The following CELF2 variants were observed in gnomAD, a reference collection of about 807,000 sequenced individuals.
The protein encoded by CELF2 is CUG triplet repeat RNA-binding protein 2.
Under a neutral mutation model 62.6 loss-of-function variants are expected in CELF2, and 8 were observed. The ratio of observed to expected loss-of-function variants is 0.13; its 90% CI spans 0.07 to 0.23. CELF2 has a LOEUF of 0.23. CELF2 is among the 10% of genes least tolerant of loss of function. The probability of loss-of-function intolerance (pLI) is 1.00; values close to 1 mark genes in which losing one functional copy is unlikely to be tolerated. For synonymous variants in CELF2, 258 were observed against 250.0 expected (o/e 1.03, Z -0.30); for missense variants, 333 against 671.0 (o/e 0.50, Z 5.56).
chr10:11,143,504 A>G (rs1455672974), intron 1 of CELF2, among the ~76,000 whole-genome samples: 2 of 152,154 alleles, frequency 1.3e-5, no homozygotes, highest in African/African-American at 2.4e-5. Flanking sequence ...GCTGCCATTC[A>G]TGCCTTCCTG....
intron 1 of CELF2, among the ~76,000 whole-genome samples, chr10:11,035,963 T>G (rs1281646478): frequency 6.6e-6 from 1 of 152,238 alleles, no homozygotes; most frequent in Non-Finnish European, 1.5e-5. Flanking sequence ...AAGCAATGTT[T>G]GTGATCTCCA....
chr10:10,676,391 G>T, the CELF2 span, among the ~76,000 whole-genome samples: 5 of 152,206 alleles, frequency 3.3e-5, no homozygotes, highest in African/African-American at 1.2e-4. Flanking sequence ...ACATTAGACC[G>T]TGGTTAACTA....
intron 3 of CELF2, among the ~76,000 whole-genome samples, chr10:11,219,868 A>G (rs540526078): frequency 1.3e-4 from 20 of 152,350 alleles, no homozygotes; most frequent in South Asian, 8.3e-4. Context: ...TTCTAAACCA[A>G]TATACACCTG....
chr10:10,891,656 C>T (rs1394025586), intron 1 of CELF2, among the ~76,000 whole-genome samples: 1 of 152,128 alleles, frequency 6.6e-6, no homozygotes, highest in Non-Finnish European at 1.5e-5. Context: ...GACTTCAGGC[C>T]TCGGTTCATT....
intron 1 of CELF2, among the ~76,000 whole-genome samples, chr10:11,130,942 A>C (rs2059529995): frequency 6.6e-6 from 1 of 152,256 alleles, no homozygotes; most frequent in African/African-American, 2.4e-5. Flanking sequence ...AGTAGATTTT[A>C]GTGCATTTGC....
chr10:10,735,138 G>A, the CELF2 span, among the ~76,000 whole-genome samples: 3 of 152,160 alleles, frequency 2.0e-5, no homozygotes, highest in African/African-American at 7.2e-5. Context: ...TGAACAAAAT[G>A]AGAATGCACC....
At chr10:11,048,365 C>T (rs2063250404) in intron 1 of CELF2, among the ~76,000 whole-genome samples, 1 of 152,164 alleles carries the variant, frequency 6.6e-6, no homozygotes, top group African/African-American at 2.4e-5. Context: ...TTAGCTTTCT[C>T]AGTATTACGT....
intron 2 of CELF2, among the ~76,000 whole-genome samples, chr10:10,982,907 T>G (rs1027862533): frequency 2.1e-5 from 2 of 97,150 alleles, no homozygotes; most frequent in African/African-American, 3.0e-5. Flanking sequence ...CTGGTGTGTG[T>G]TTTTTTTTTT....
At chr10:10,682,053 A>G in the CELF2 span, among the ~76,000 whole-genome samples, 3 of 152,216 alleles carry the variant, frequency 2.0e-5, no homozygotes, top group Admixed American at 2.0e-4. Context: ...TGGCAGAAGA[A>G]GGGCTTGAAT....
intron 1 of CELF2, among the ~76,000 whole-genome samples, chr10:10,866,878 C>G (rs1017323230): frequency 1.3e-5 from 2 of 148,782 alleles, no homozygotes; most frequent in Non-Finnish European, 3.0e-5. Context: ...TGAGATCACA[C>G]CGTTGCACTC....
chr10:10,604,982 C>T, the CELF2 span, among the ~76,000 whole-genome samples: 5 of 151,978 alleles, frequency 3.3e-5, no homozygotes, highest in African/African-American at 4.8e-5. Flanking sequence ...TTATGTTCAT[C>T]GCAGCACTAT....
intron 1 of CELF2, among the ~76,000 whole-genome samples, chr10:10,892,711 T>C (rs1022700502): frequency 9.2e-5 from 14 of 152,220 alleles, no homozygotes; most frequent in African/African-American, 3.4e-4. Flanking sequence ...TCCCCAGATC[T>C]ACTGCCAGGC....
chr10:10,910,259 G>T (rs1564805854), intron 1 of CELF2, among the ~76,000 whole-genome samples: 1 of 152,112 alleles, frequency 6.6e-6, no homozygotes, highest in Non-Finnish European at 1.5e-5. Flanking sequence ...TTGCAGTGCA[G>T]CTTAGAGCAC....
intron 1 of CELF2, among the ~76,000 whole-genome samples, chr10:10,858,180 A>G (rs2059857729): frequency 6.6e-6 from 1 of 152,094 alleles, no homozygotes; most frequent in African/African-American, 2.4e-5. Flanking sequence ...TCAAAATATG[A>G]TGAAAACTAC....
At position 11,051,826 on chromosome 10, in the gene CELF2, A is replaced by G. The variant is rs973019512; in HGVS notation, c.74+33663A>G. 1.3e-5 allele frequency among the ~76,000 whole-genome samples: 2 copies of G among 152,096 alleles called. 1 individual carries two copies. The highest frequency in any genetic ancestry group is 3.9e-4 in the East Asian group (2 of 5,192). On this transcript the variant is annotated intron_variant, in intron 1 of 12. Coordinates refer to ENST00000633077, the MANE Select transcript of CELF2 (RefSeq NM_001326342.2). ...TTGCCCACTATGTAGGATTAACCAT[A>G]CAATCTAATGATCTTAACTGCTTCC... is the stretch of plus-strand genomic sequence containing the variant.
chr10:11,018,056 C>T lies in CELF2; in HGVS notation c.-34C>T, dbSNP rs749780729. 9 of 1,392,078 alleles carry T rather than the reference C, an allele frequency of 6.5e-6. 1 individual carries two copies. Among genetic ancestry groups the T allele is most frequent in the South Asian group, 4.0e-5 (3 of 75,648 alleles). The allele number at this position is 1,392,078 out of a possible 1,614,324, so 86.2% of individuals were successfully genotyped here. ...GGCCGCTCGGACGCGCGCAGAGCCGCCCCCCGCCGCTGCCGCCGCGTGCGC... is the reference window on the plus strand; with the variant it reads ...GGCCGCTCGGACGCGCGCAGAGCCGTCCCCCGCCGCTGCCGCCGCGTGCGC... On this transcript the variant is annotated 5_prime_UTR_variant, in exon 1 of 13. Coordinates refer to ENST00000633077, the MANE Select transcript of CELF2 (RefSeq NM_001326342.2).
At chr10:11,139,843 T>TG (rs199994548) in intron 1 of CELF2, among the ~76,000 whole-genome samples, 1 of 148,666 alleles carries the variant, frequency 6.7e-6, no homozygotes, top group African/African-American at 2.6e-5. Flanking sequence ...CATTCAGTTT[T>TG]TTTTTTTTTT....
rs2138517590 is a variant in CELF2, at chr10:11,269,010, T to G, written c.619-1656T>G. On this transcript the variant is annotated intron_variant, in intron 6 of 12. Coordinates refer to ENST00000633077, the MANE Select transcript of CELF2 (RefSeq NM_001326342.2). This position sits in a 1 kb window ranked among gnomAD's most constrained non-coding sequence, Gnocchi z 4.4. The stretch of plus-strand genomic sequence containing the variant: ...GCCTAATTTTCTGCTTTTATATCAT[T>G]TTTACTATTTAAGGAAGAAAAAAAT... Among the ~76,000 whole-genome samples the G allele has an allele frequency of 6.6e-6, 1 of 152,320 alleles. No individual in the cohort carries two copies. Among genetic ancestry groups the G allele is most frequent in the East Asian group, 1.9e-4 (1 of 5,186 alleles).
At chr10:10,752,933 C>A in the CELF2 span, among the ~76,000 whole-genome samples, 1 of 151,954 alleles carries the variant, frequency 6.6e-6, no homozygotes, top group Admixed American at 6.6e-5. Context: ...ACCAATATTG[C>A]ACACGTTTAC....
Sources: gnomAD v4.1 joint callset for allele counts (sites outside exome capture counted in the v4.1 genomes callset) on GRCh38, gnomAD v4.1.1 for gene constraint, Gnocchi (gnomAD v3.1) non-coding constraint, MANE v1.5 for transcripts, NCBI Gene and HGNC (gene_info 2026-07-23, HGNC 2026-07-21) for gene names.